The following DECR2 variants were observed in gnomAD, a reference collection of about 807,000 sequenced individuals.
DECR2 encodes the protein peroxisomal 2,4-dienoyl-CoA reductase [(3E)-enoyl-CoA-producing].
A neutral mutation model predicts 29.2 loss-of-function variants in DECR2; 34 were observed. The ratio of observed to expected loss-of-function variants is 1.16; its 90% CI spans 0.89 to 1.55. The LOEUF is 1.55. DECR2 is among the 40% of genes most tolerant of loss of function. The probability of loss-of-function intolerance (pLI) is 0.00; values close to 1 mark genes in which losing one functional copy is unlikely to be tolerated. For synonymous variants in DECR2, 224 were observed against 182.7 expected (o/e 1.23, Z -1.82); for missense variants, 485 against 425.3 (o/e 1.14, Z -1.23).
Position 411,404 on chromosome 16 carries a change from G to T in DECR2, c.705G>T (p.Pro235=), listed in dbSNP as rs553093118. ...ASLSTKVTAS[P]LQRLGNKTEI... is the part of the protein sequence containing the mutation. ...TGAGCACCAAGGTCACTGCCAGCCCGCTGCAGAGGCTGGGGAACAAGACCG... is the reference window on the plus strand; with the variant it reads ...TGAGCACCAAGGTCACTGCCAGCCCTCTGCAGAGGCTGGGGAACAAGACCG... The change falls in exon 8 of 9, where the codon CCG becomes CCT. Residue 235 remains proline (P), a synonymous_variant. Coordinates refer to ENST00000219481, the MANE Select transcript of DECR2 (RefSeq NM_020664.4). The T allele has an allele frequency of 1.9e-6, 3 of 1,612,448 alleles. No individual in the cohort carries two copies. The highest frequency in any genetic ancestry group is 2.5e-6 in the Non-Finnish European group (3 of 1,179,940).
At chr16:404,788 C>T (rs958503866) in intron 1 of DECR2, among the ~76,000 whole-genome samples, 168 bp from the exon 2 acceptor site, 1 of 152,026 alleles carries the variant, frequency 6.6e-6, no homozygotes, top group Non-Finnish European at 1.5e-5. Flanking sequence ...CACCACCACG[C>T]CCAGCTGATT....
intron 8 of DECR2, 116 bp downstream of exon 8, chr16:411,694 GC>G: frequency 8.4e-7 from 1 of 1,196,940 alleles, no homozygotes; most frequent in Non-Finnish European, 1.2e-6. Context: ...CATCCTCCCG[GC>G]CCCTGCGCCA....
intron 2 of DECR2, 44 bp from the exon 3 acceptor site, chr16:406,302 G>T: frequency 6.3e-7 from 1 of 1,594,004 alleles, no homozygotes. Flanking sequence ...CCCCGGGAGT[G>T]CCCCTCGCCC....
Position 410,512 on chromosome 16 carries a change from C to T in DECR2, c.462+145C>T, listed in dbSNP as rs1481290185. 1.3e-5 allele frequency: 18 copies of T among 1,368,492 alleles called. No homozygotes were observed. The highest frequency in any genetic ancestry group is 7.9e-5 in the Admixed American group (4 of 50,704). 84.8% of individuals were successfully genotyped at this position (1,368,492 alleles called of 1,614,324 possible). On this transcript the variant is annotated intron_variant, in intron 5 of 8. Transcript: ENST00000219481. This position sits in a 1 kb window ranked among gnomAD's most constrained non-coding sequence, Gnocchi z 4.1. ...ACTCCCAGCGGGGGCCTCCCCCTGA[C>T]GGCCGCCCGCTCCCTGCCCTGGGCC...
At position 410,225 on chromosome 16, in the gene DECR2, C is replaced by T. The variant is rs374423395; in HGVS notation, c.338-18C>T. The T allele has an allele frequency of 1.2e-5, 19 of 1,610,012 alleles. No individual in the cohort carries two copies. The highest frequency in any genetic ancestry group is 8.0e-5 in the African/African-American group (6 of 74,862). Reference sequence around the variant, plus strand: ...TCTCCCCAGGCTCCAGCAGCTCCTGCGGTCTCCCATTCTGCAGGTGCGGCC... The same window carrying T: ...TCTCCCCAGGCTCCAGCAGCTCCTGTGGTCTCCCATTCTGCAGGTGCGGCC... On this transcript the variant is annotated intron_variant, in intron 4 of 8. Coordinates refer to ENST00000219481, the MANE Select transcript of DECR2 (RefSeq NM_020664.4). The surrounding 1 kb of genome is among the most constrained non-coding windows in gnomAD (Gnocchi z 4.1).
chr16:406,432 TGGCTGTGGG>T, intron 3 of DECR2, 35 bp downstream of exon 3: 2 of 1,599,976 alleles, frequency 1.3e-6, no homozygotes, highest in Non-Finnish European at 1.7e-6. Flanking sequence ...CCTGTTCGGG[TGGCTGTGGG>T]GGGGCTGGGG....
Sources: allele counts gnomAD v4.1 joint callset (sites outside exome capture counted in the v4.1 genomes callset), GRCh38; gene constraint gnomAD v4.1.1; non-coding constraint Gnocchi (gnomAD v3.1); transcripts MANE v1.5; gene names NCBI Gene and HGNC (gene_info 2026-07-23, HGNC 2026-07-21).